STK35: variants seen among roughly 807,000 people sequenced by gnomAD.
STK35 encodes the protein serine/threonine kinase 35.
In STK35, 17 loss-of-function variants were observed where a neutral mutation model predicts 37.3. The observed-to-expected ratio is 0.46, with a 90% CI of 0.31 to 0.68. STK35 has a LOEUF of 0.68. STK35 is among the 30% of genes least tolerant of loss of function. The pLI is 0.05. For missense variants in STK35, 595 were observed against 746.7 expected (o/e 0.80, Z 2.37); for synonymous variants, 385 against 319.1 (o/e 1.21, Z -2.20).
intron 3 of STK35, among the ~76,000 whole-genome samples, chr20:2,139,985 T>C (rs917644048): frequency 2.2e-4 from 33 of 152,154 alleles, no homozygotes; most frequent in African/African-American, 8.0e-4. Flanking sequence ...TTGAAGACTA[T>C]CATAGTGCAG....
In STK35 at chr20:2,143,615, A is replaced by G. The variant is rs1034268179; in HGVS notation, c.*38-169A>G. Among the ~76,000 whole-genome samples the G allele has an allele frequency of 2.0e-5, 3 of 152,214 alleles. No homozygotes were observed. The South Asian group carries it at 6.2e-4, about 32-fold the overall frequency. ...CCTCAGTTTCCCTATCTGAAAAATA[A>G]GCATGTGTGAATAAGACCAGGGAGG... is the stretch of plus-strand genomic sequence containing the variant. On this transcript the variant is annotated intron_variant, in intron 3 of 3. Transcript: ENST00000381482.
intron 2 of STK35, among the ~76,000 whole-genome samples, chr20:2,108,432 C>T (rs1169196022): frequency 6.6e-6 from 1 of 152,144 alleles, no homozygotes; most frequent in Non-Finnish European, 1.5e-5. Context: ...ATCACTTGAA[C>T]CCGGGAGGCA....
At chr20:2,114,098 G>A (rs1443667143) in intron 2 of STK35, among the ~76,000 whole-genome samples, 1 of 152,066 alleles carries the variant, frequency 6.6e-6, no homozygotes, top group African/African-American at 2.4e-5. Flanking sequence ...CTTCCATCTG[G>A]TCGTGAGGTA....
At chr20:2,133,413 A>C (rs773081523) in intron 3 of STK35, among the ~76,000 whole-genome samples, 11 of 152,206 alleles carry the variant, frequency 7.2e-5, no homozygotes, top group Non-Finnish European at 1.6e-4. Flanking sequence ...CCCACACTTA[A>C]TAAGTTGAGG....
chr20:2,144,672 A>G lies in STK35; in HGVS notation c.*926A>G, dbSNP rs62194380. 2.1e-3 allele frequency: 316 copies of G among 153,148 alleles called. 1 individual carries two copies. Among genetic ancestry groups the G allele is most frequent in the Non-Finnish European group, 3.3e-3 (224 of 68,092 alleles). The allele number at this position is 153,148 out of a possible 1,614,324, so 9.5% of individuals were successfully genotyped here. On this transcript the variant is annotated 3_prime_UTR_variant, in exon 4 of 4. Transcript: ENST00000381482. ...TCAGCAGGCATCTGTCACTGCCGTG[A>G]GGTCAGCGCTTCTCACCTAACTGCC...
chr20:2,105,686 C>T (rs1173603666), intron 2 of STK35, among the ~76,000 whole-genome samples: 1 of 146,310 alleles, frequency 6.8e-6, no homozygotes, highest in Admixed American at 7.1e-5. Context: ...AAGTGCTCCA[C>T]ATAGGGAGGA....
chr20:2,143,693 GCA>G, intron 3 of STK35, 89 bp from the exon 4 acceptor site: 1 of 318,090 alleles, frequency 3.1e-6, no homozygotes, highest in Non-Finnish European at 6.0e-6. Context: ...ACAGCCCCCA[GCA>G]CACACAGCTT....
rs1986235908 is a variant in STK35 at position 2,144,997 on chromosome 20, G to A, written c.*1251G>A. On this transcript the variant is annotated 3_prime_UTR_variant, in exon 4 of 4. Transcript: ENST00000381482. ...GCGGACCTGCCCAGAGCAGGGAGGT[G>A]TCGTGGAACTGGGTAGACCCCCTGC... is the stretch of plus-strand genomic sequence containing the variant. 6.6e-6 allele frequency: 1 copy of A among 152,396 alleles called. No homozygotes were observed. 9.4% of individuals were successfully genotyped at this position (152,396 alleles called of 1,614,324 possible).
chr20:2,142,535 C>G (rs1986189237), intron 3 of STK35, among the ~76,000 whole-genome samples: 1 of 152,172 alleles, frequency 6.6e-6, no homozygotes, highest in Admixed American at 6.5e-5. Context: ...GTAGGTGGAT[C>G]ACTTGAGCCC....
chr20:2,115,163 TC>T (rs1372252369), intron 2 of STK35, among the ~76,000 whole-genome samples: 2 of 152,230 alleles, frequency 1.3e-5, no homozygotes, highest in Non-Finnish European at 2.9e-5. Flanking sequence ...GTGAGGGCTA[TC>T]CGATTGTGAT....
intron 2 of STK35, among the ~76,000 whole-genome samples, chr20:2,111,477 G>A (rs1985617489): frequency 6.6e-6 from 1 of 152,092 alleles, no homozygotes; most frequent in African/African-American, 2.4e-5. Flanking sequence ...TGGAAGGATT[G>A]CCTGAGCCCA....
At position 2,148,440 on chromosome 20, in the gene STK35, T is replaced by C. The variant is rs1986311629; in HGVS notation, c.*4694T>C. ...GTATGATACATTATATTTAAGTTCC[T>C]TGAACACTGTGGATCCCCTAATGTG... On this transcript the variant is annotated 3_prime_UTR_variant, in exon 4 of 4. Transcript: ENST00000381482. 6.5e-6 allele frequency: 1 copy of C among 152,688 alleles called. No homozygotes were observed. Among genetic ancestry groups the C allele is most frequent in the African/African-American group, 2.4e-5 (1 of 41,464 alleles). 9.5% of individuals were successfully genotyped at this position (152,688 alleles called of 1,614,324 possible). A position where few individuals can be genotyped will look rare whatever the true frequency, so the allele number is the denominator to read the frequency against.
At chr20:2,107,987 C>G (rs913985870) in intron 2 of STK35, among the ~76,000 whole-genome samples, 20 of 152,092 alleles carry the variant, frequency 1.3e-4, no homozygotes, top group African/African-American at 4.8e-4. Flanking sequence ...AAGTCAGTAC[C>G]GTGATTATCT....
chr20:2,121,535 TG>T (rs1327888868), intron 3 of STK35, among the ~76,000 whole-genome samples: 1 of 152,176 alleles, frequency 6.6e-6, no homozygotes, highest in Non-Finnish European at 1.5e-5. Context: ...AAGTTTGGCA[TG>T]CCTATTTAGA....
At chr20:2,128,143 A>G (rs1460170777) in intron 3 of STK35, among the ~76,000 whole-genome samples, 1 of 152,146 alleles carries the variant, frequency 6.6e-6, no homozygotes, top group Non-Finnish European at 1.5e-5. Context: ...CTGAGTTGGA[A>G]ACTGGGGAGT....
Position 2,117,487 on chromosome 20 carries a change from G to A in STK35, c.*37+72G>A. ...GTCTCACTCTGTTGGTCAGGCTGGG[G>A]TGCAGCGGGTGCAGTGGCAGGATCT... is the stretch of plus-strand genomic sequence containing the variant. On this transcript the variant is annotated intron_variant, in intron 3 of 3. Coordinates refer to ENST00000381482, the MANE Select transcript of STK35 (RefSeq NM_080836.4). This position sits in a 1 kb window ranked among gnomAD's most constrained non-coding sequence, Gnocchi z 4.4. 1.2e-6 allele frequency: 1 copy of A among 800,136 alleles called. No homozygotes were observed. Among genetic ancestry groups the A allele is most frequent in the Non-Finnish European group, 1.9e-6 (1 of 520,226 alleles). 49.6% of individuals were successfully genotyped at this position (800,136 alleles called of 1,614,324 possible).
chr20:2,109,940 T>C (rs1985587226), intron 2 of STK35, among the ~76,000 whole-genome samples: 1 of 152,262 alleles, frequency 6.6e-6, no homozygotes, highest in Admixed American at 6.5e-5. Context: ...GGGTTTACTC[T>C]TGTCCTCTTT....
At chr20:2,142,311 T>TCA (rs555506819) in intron 3 of STK35, among the ~76,000 whole-genome samples, 49,791 of 151,862 alleles carry the variant, frequency 0.33, 9,713 homozygotes, top group East Asian at 0.92. Context: ...AGACAGTAAA[T>TCA]TATCCAATAT....
At chr20:2,125,914 T>G (rs1162706205) in intron 3 of STK35, among the ~76,000 whole-genome samples, 1 of 152,206 alleles carries the variant, frequency 6.6e-6, no homozygotes, top group Non-Finnish European at 1.5e-5. Flanking sequence ...GAGGGAATGC[T>G]GTCATTAGGC....
Sources: allele counts gnomAD v4.1 joint callset (sites outside exome capture counted in the v4.1 genomes callset), GRCh38; gene constraint gnomAD v4.1.1; non-coding constraint Gnocchi (gnomAD v3.1); transcripts MANE v1.5; gene names NCBI Gene and HGNC (gene_info 2026-07-23, HGNC 2026-07-21).